Variants in ATP10D observed in about 807,000 individuals in gnomAD.
The protein encoded by ATP10D is phospholipid-transporting ATPase VD.
ATP10D carries 89 observed loss-of-function variants against 144.8 expected under a neutral mutation model. That is an observed-to-expected ratio of 0.61 (90% CI 0.52 to 0.73). The LOEUF is 0.73. Among genes scored for constraint, ATP10D ranks in the 30% least tolerant of loss-of-function variants. ATP10D has a pLI of 0.00. For synonymous variants in ATP10D, 571 were observed against 615.1 expected (o/e 0.93, Z 1.06); for missense variants, 1,603 against 1,714.8 (o/e 0.93, Z 1.15).
At chr4:47,537,035 T>C in intron 9 of ATP10D, 97 bp downstream of exon 9, 1 of 1,413,186 alleles carries the variant, frequency 7.1e-7, no homozygotes, top group Non-Finnish European at 9.5e-7. Flanking sequence ...ATAGAAGTGG[T>C]TTATTTAATC....
At chr4:47,511,618 T>A (rs145890242) in intron 1 of ATP10D, among the ~76,000 whole-genome samples, 1 of 152,326 alleles carries the variant, frequency 6.6e-6, no homozygotes, top group African/African-American at 2.4e-5. Flanking sequence ...AGGGAATATG[T>A]TATCAGTTTG....
At chr4:47,530,205 A>G (rs141305274) in intron 5 of ATP10D, among the ~76,000 whole-genome samples, 1 of 152,228 alleles carries the variant, frequency 6.6e-6, no homozygotes, top group African/African-American at 2.4e-5. Context: ...TGGTGAGAGT[A>G]GGCCTCTTGT....
chr4:47,502,642 T>C (rs1255207780), intron 1 of ATP10D, among the ~76,000 whole-genome samples: 1 of 148,396 alleles, frequency 6.7e-6, no homozygotes, highest in African/African-American at 2.4e-5. Flanking sequence ...ATGTATATAA[T>C]ATATGTATGT....
intron 16 of ATP10D, among the ~76,000 whole-genome samples, chr4:47,570,650 G>A (rs1157166019): frequency 6.6e-6 from 1 of 151,806 alleles, no homozygotes; most frequent in Non-Finnish European, 1.5e-5. Context: ...CTACAAACAC[G>A]AAACTTGGCC....
At chr4:47,513,678 A>G (rs1716481972) in intron 2 of ATP10D, among the ~76,000 whole-genome samples, 1 of 152,220 alleles carries the variant, frequency 6.6e-6, no homozygotes, top group Non-Finnish European at 1.5e-5. Flanking sequence ...ACTTACATGT[A>G]ACATCTGTGC....
At chr4:47,535,248 C>T (rs1299861066) in intron 5 of ATP10D, among the ~76,000 whole-genome samples, 1 of 151,764 alleles carries the variant, frequency 6.6e-6, no homozygotes, top group African/African-American at 2.4e-5. Context: ...AATCTGTACA[C>T]CAAAGCCCTG....
rs1577719547 is a variant in ATP10D, at chr4:47,593,018, A to G, written c.*1637A>G. The G allele has an allele frequency of 6.6e-6, 1 of 152,094 alleles. No individual in the cohort carries two copies. The highest frequency in any genetic ancestry group is 1.9e-4 in the East Asian group (1 of 5,198). The allele number at this position is 152,094 out of a possible 1,614,324, so 9.4% of individuals were successfully genotyped here. On this transcript the variant is annotated 3_prime_UTR_variant, in exon 23 of 23. Transcript: ENST00000273859. Reference sequence around the variant, plus strand: ...CCTTTTCTTATATGGAAAATCACTGATGTCATATCATTTATTATCCTCACA... The same window carrying G: ...CCTTTTCTTATATGGAAAATCACTGGTGTCATATCATTTATTATCCTCACA...
intron 5 of ATP10D, 64 bp from the exon 6 acceptor site, chr4:47,535,445 G>A: frequency 7.8e-7 from 1 of 1,290,014 alleles, no homozygotes; most frequent in Non-Finnish European, 1.1e-6. Flanking sequence ...AGGGCCATGA[G>A]ATTTATTTTT....
At chr4:47,575,055 G>T (rs981677277) in intron 18 of ATP10D, among the ~76,000 whole-genome samples, 12 of 152,062 alleles carry the variant, frequency 7.9e-5, no homozygotes, top group African/African-American at 2.9e-4. Flanking sequence ...GACCTCAAGT[G>T]ATCTGCCCAC....
intron 18 of ATP10D, 144 bp downstream of exon 18, chr4:47,573,141 C>G: frequency 1.9e-6 from 2 of 1,035,254 alleles, no homozygotes; most frequent in Admixed American, 2.4e-5. Context: ...TGCTGTCTTT[C>G]CAGAACTAAG....
At chr4:47,554,578 G>A (rs928286592) in intron 10 of ATP10D, 148 bp from the exon 11 acceptor site, 10 of 573,564 alleles carry the variant, frequency 1.7e-5, no homozygotes, top group Admixed American at 1.0e-4. Context: ...CCCATGACAC[G>A]ATATACATTA....
chr4:47,518,774 C>T (rs1380045605), intron 3 of ATP10D, among the ~76,000 whole-genome samples: 2 of 152,108 alleles, frequency 1.3e-5, no homozygotes, highest in Non-Finnish European at 2.9e-5. Flanking sequence ...CTTGAAAATA[C>T]ACAATTAAAC....
At chr4:47,506,045 G>A (rs1324357777) in intron 1 of ATP10D, among the ~76,000 whole-genome samples, 2 of 152,076 alleles carry the variant, frequency 1.3e-5, no homozygotes, top group African/African-American at 2.4e-5. Flanking sequence ...CTGCCTTCAA[G>A]CACATTTGTG....
At chr4:47,566,445 A>G (rs1719643708) in intron 15 of ATP10D, among the ~76,000 whole-genome samples, 1 of 152,156 alleles carries the variant, frequency 6.6e-6, no homozygotes. Flanking sequence ...TTCATAATTT[A>G]TATTAGAATC....
intron 18 of ATP10D, among the ~76,000 whole-genome samples, chr4:47,575,981 G>C (rs1398211316): frequency 7.4e-6 from 1 of 135,214 alleles, no homozygotes; most frequent in South Asian, 2.4e-4. Flanking sequence ...GCCCAGGCTG[G>C]AGTGCAGTGG....
At position 47,523,216 on chromosome 4, in the gene ATP10D, G is replaced by A. The variant is rs753707199; in HGVS notation, c.690G>A (p.Gln230=). The A allele has an allele frequency of 6.2e-7, 1 of 1,612,850 alleles. No homozygotes were observed. The highest frequency in any genetic ancestry group is 1.7e-5 in the Admixed American group (1 of 60,006). Residue 230 remains glutamine (Q), a splice_region_variant and synonymous_variant, in exon 4 of 23, where the codon CAG becomes CAA. Coordinates refer to ENST00000273859, the MANE Select transcript of ATP10D (RefSeq NM_020453.4). The part of the protein sequence containing the change: ...QRQVVRGYAE[Q]DSEVDPEKFS... Reference sequence around the variant, plus strand: ...AGGTGGTTCGGGGATATGCAGAACAGGTAAGTCATATGTTCTCAGTTAGTG... The same window carrying A: ...AGGTGGTTCGGGGATATGCAGAACAAGTAAGTCATATGTTCTCAGTTAGTG...
At chr4:47,494,758 A>T (rs1249882210) in intron 1 of ATP10D, among the ~76,000 whole-genome samples, 1 of 152,174 alleles carries the variant, frequency 6.6e-6, no homozygotes, top group Admixed American at 6.5e-5. Context: ...TTTGAAAAGT[A>T]TAACTGACTT....
chr4:47,509,208 T>G (rs760867337), intron 1 of ATP10D, among the ~76,000 whole-genome samples: 1 of 150,490 alleles, frequency 6.6e-6, no homozygotes, highest in Admixed American at 6.7e-5. Flanking sequence ...TTTTTAAATC[T>G]GATATTTTCA....
intron 9 of ATP10D, among the ~76,000 whole-genome samples, chr4:47,539,412 A>C (rs1334868476): frequency 2.0e-5 from 3 of 152,188 alleles, no homozygotes; most frequent in Non-Finnish European, 4.4e-5. Context: ...GTAAAATTTA[A>C]AAGCCATCAC....
Sources: allele counts gnomAD v4.1 joint callset (sites outside exome capture counted in the v4.1 genomes callset), GRCh38; gene constraint gnomAD v4.1.1; transcripts MANE v1.5; gene names NCBI Gene and HGNC (gene_info 2026-07-23, HGNC 2026-07-21).